CSPP1: variants seen among roughly 807,000 people sequenced by gnomAD.
CSPP1 encodes the protein centrosome and spindle pole associated protein 1, also known as centrosome and spindle pole-associated protein 1.
CSPP1 carries 126 observed loss-of-function variants against 164.4 expected under a neutral mutation model. The ratio of observed to expected loss-of-function variants is 0.77; its 90% CI spans 0.66 to 0.89. CSPP1 has a LOEUF of 0.89. CSPP1 is among the 40% of genes least tolerant of loss of function. The probability of loss-of-function intolerance (pLI) is 0.00; values close to 1 mark genes in which losing one functional copy is unlikely to be tolerated. For missense variants in CSPP1, 1,395 were observed against 1,449.8 expected (o/e 0.96, Z 0.61); for synonymous variants, 472 against 476.7 (o/e 0.99, Z 0.13).
intron 24 of CSPP1, among the ~76,000 whole-genome samples, chr8:67,169,479 T>A (rs879565563): frequency 2.6e-5 from 4 of 152,214 alleles, no homozygotes; most frequent in Admixed American, 2.0e-4. Context: ...GGAGTCTCGC[T>A]CTGTCACCCA....
At chr8:67,109,112 C>T (rs1426318783) in intron 9 of CSPP1, among the ~76,000 whole-genome samples, 2 of 152,210 alleles carry the variant, frequency 1.3e-5, no homozygotes, top group South Asian at 2.1e-4. Context: ...TTAATGGTCT[C>T]AAAAGGCTAT....
At position 67,118,787 on chromosome 8, in the gene CSPP1, G is replaced by A. The variant is rs1818426570; in HGVS notation, c.1663G>A (p.Ala555Thr). Residue 555 changes from alanine to threonine, a missense_variant, in exon 15 of 31, where the codon GCT (alanine) becomes ACT (threonine). By Grantham distance (58) the Ala-to-Thr change is moderately conservative. Coordinates refer to ENST00000678616, the MANE Select transcript of CSPP1 (RefSeq NM_001382391.1). ...MGVQPAAYVS[A>T]PVTHQLAQPV... is the part of the protein sequence containing the mutation. ...CGTACAGCCTGCAGCTTATGTTAGT[G>A]CTCCTGTCACCCACCAACTAGCACA... 6.2e-7 allele frequency: 1 copy of A among 1,612,512 alleles called. No individual in the cohort carries two copies. The highest frequency in any genetic ancestry group is 8.5e-7 in the Non-Finnish European group (1 of 1,178,762).
chr8:67,181,893 C>G (rs939186804), intron 28 of CSPP1, among the ~76,000 whole-genome samples: 2 of 152,210 alleles, frequency 1.3e-5, no homozygotes, highest in African/African-American at 4.8e-5. Context: ...TTTGACTACT[C>G]TAGGACCTCA....
intron 17 of CSPP1, among the ~76,000 whole-genome samples, chr8:67,138,965 G>A (rs1341344642): frequency 6.6e-6 from 1 of 152,118 alleles, no homozygotes; most frequent in Non-Finnish European, 1.5e-5. Context: ...ATTAATTTTT[G>A]TTTAAGGTGT....
chr8:67,064,429 A>C lies in CSPP1; in HGVS notation c.-120A>C. 6.2e-7 allele frequency: 1 copy of C among 1,613,530 alleles called. No homozygotes were observed. Among genetic ancestry groups the C allele is most frequent in the Non-Finnish European group, 8.5e-7 (1 of 1,179,786 alleles). ...GTTCCCGCTCCAGGTGGCCGCTGTA[A>C]CCTCTTCGGTCCGCGACGATCCTCT... is the stretch of plus-strand genomic sequence containing the variant. On this transcript the variant is annotated 5_prime_UTR_variant, in exon 1 of 31. Transcript: ENST00000678616.
chr8:67,114,394 T>C (rs1191983285), intron 12 of CSPP1, 24 bp downstream of exon 12: 1 of 152,632 alleles, frequency 6.6e-6, no homozygotes, highest in East Asian at 1.9e-4. Context: ...TTTACCACAA[T>C]TTATTTTTTC....
At chr8:67,088,454 A>AT (rs1466056339) in intron 4 of CSPP1, among the ~76,000 whole-genome samples, 1 of 151,160 alleles carries the variant, frequency 6.6e-6, no homozygotes, top group African/African-American at 2.4e-5. Context: ...TGCCTGGCTA[A>AT]TTTTTTTGTA....
chr8:67,165,751 A>G (rs1271517592), intron 24 of CSPP1, among the ~76,000 whole-genome samples: 2 of 152,192 alleles, frequency 1.3e-5, no homozygotes, highest in Non-Finnish European at 2.9e-5. Flanking sequence ...TCCACATGAT[A>G]CCTCTGGAAA....
At chr8:67,103,799 C>T (rs983790129) in intron 8 of CSPP1, among the ~76,000 whole-genome samples, 8 of 146,130 alleles carry the variant, frequency 5.5e-5, no homozygotes, top group Non-Finnish European at 1.2e-4. Flanking sequence ...GAGATCGCAC[C>T]ACTGCACTCC....
At chr8:67,070,713 A>G (rs186766385) in intron 1 of CSPP1, among the ~76,000 whole-genome samples, 125 of 143,620 alleles carry the variant, frequency 8.7e-4, no homozygotes, top group Middle Eastern at 7.3e-3. Flanking sequence ...TGCTAAAACT[A>G]TATATGTAAA....
chr8:67,153,455 T>G (rs1331012138), intron 18 of CSPP1, among the ~76,000 whole-genome samples: 1 of 152,110 alleles, frequency 6.6e-6, no homozygotes, highest in African/African-American at 2.4e-5. Context: ...TATATCTCAT[T>G]AAGTTGAGAG....
chr8:67,072,545 A>C (rs1807035076), intron 1 of CSPP1, among the ~76,000 whole-genome samples: 1 of 151,798 alleles, frequency 6.6e-6, no homozygotes, highest in African/African-American at 2.4e-5. Context: ...GTAATAAAAC[A>C]ACCTGCTGGG....
intron 17 of CSPP1, among the ~76,000 whole-genome samples, chr8:67,141,768 G>A (rs193196574): frequency 8.5e-5 from 13 of 152,314 alleles, no homozygotes; most frequent in Admixed American, 1.3e-4. Context: ...ATCCACCTCG[G>A]CCTCCCAAAG....
At chr8:67,194,026 C>T (rs1360885172) in intron 30 of CSPP1, among the ~76,000 whole-genome samples, 1 of 152,052 alleles carries the variant, frequency 6.6e-6, no homozygotes, top group African/African-American at 2.4e-5. Context: ...TGGCTTTCCA[C>T]ACCATGGACA....
chr8:67,071,650 C>T (rs567884268), intron 1 of CSPP1, among the ~76,000 whole-genome samples: 124 of 152,298 alleles, frequency 8.1e-4, no homozygotes, highest in African/African-American at 2.9e-3. Context: ...CTTGCTCTGA[C>T]TTACTTCTGT....
At chr8:67,126,750 A>G (rs1215918821) in intron 15 of CSPP1, among the ~76,000 whole-genome samples, 1 of 152,150 alleles carries the variant, frequency 6.6e-6, no homozygotes, top group Non-Finnish European at 1.5e-5. Flanking sequence ...CCCCATGGGC[A>G]TGTTATTTCC....
At chr8:67,195,333 C>A in intron 30 of CSPP1, 49 bp from the exon 31 acceptor site, 1 of 1,223,960 alleles carries the variant, frequency 8.2e-7, no homozygotes, top group Non-Finnish European at 1.2e-6. Flanking sequence ...CTTATGTCTC[C>A]TGCCTGCCAC....
chr8:67,075,255 A>G (rs996425787), intron 2 of CSPP1, among the ~76,000 whole-genome samples: 3 of 152,318 alleles, frequency 2.0e-5, no homozygotes, highest in Admixed American at 2.0e-4. Flanking sequence ...GGCTCAGTGT[A>G]TGTAATAAGA....
intron 16 of CSPP1, among the ~76,000 whole-genome samples, chr8:67,136,739 G>A (rs921229866): frequency 9.2e-5 from 14 of 151,982 alleles, no homozygotes; most frequent in Non-Finnish European, 2.1e-4. Flanking sequence ...AAGTAGGTCT[G>A]GTAAGGTTGA....
Sources: gnomAD v4.1 joint callset for allele counts (sites outside exome capture counted in the v4.1 genomes callset) on GRCh38, gnomAD v4.1.1 for gene constraint, MANE v1.5 for transcripts, NCBI Gene and HGNC (gene_info 2026-07-23, HGNC 2026-07-21) for gene names.